Variants in BMS1 observed in about 807,000 individuals in gnomAD.
The protein encoded by BMS1 is BMS1 ribosome biogenesis factor.
A neutral mutation model predicts 138.7 loss-of-function variants in BMS1; 53 were observed. The ratio of observed to expected loss-of-function variants is 0.38; its 90% CI spans 0.31 to 0.48. The LOEUF (loss-of-function observed/expected upper bound fraction) is 0.48, where lower values mean the gene tolerates loss of function less well. Among genes scored for constraint, BMS1 ranks in the 20% least tolerant of loss-of-function variants. The pLI is 0.97. For synonymous variants in BMS1, 504 were observed against 539.9 expected, an observed-to-expected ratio of 0.93 and a Z score of 0.92; for missense variants, 1,360 against 1,565.5, an observed-to-expected ratio of 0.87 and a Z score of 2.22.
intron 3 of BMS1, 56 bp downstream of exon 3, chr10:42,785,728 A>G: frequency 6.4e-7 from 1 of 1,555,888 alleles, no homozygotes; most frequent in Non-Finnish European, 8.8e-7. Context: ...TCTGAGGGAC[A>G]TGCATGCGTT....
At chr10:42,806,077 A>G (rs1842003300) in intron 13 of BMS1, among the ~76,000 whole-genome samples, 1 of 152,164 alleles carries the variant, frequency 6.6e-6, no homozygotes, top group Non-Finnish European at 1.5e-5. Flanking sequence ...ACTAAACAGT[A>G]TTCATGGTTT....
At chr10:42,785,284 A>T (rs1342731384) in intron 2 of BMS1, among the ~76,000 whole-genome samples, 198 bp from the exon 3 acceptor site, 1 of 152,148 alleles carries the variant, frequency 6.6e-6, no homozygotes, top group Non-Finnish European at 1.5e-5. Context: ...AATTATTTGG[A>T]TGGGGCCAGA....
chr10:42,831,281 T>A lies in BMS1; in HGVS notation c.*185T>A, dbSNP rs1036976896. 8.3e-5 allele frequency: 52 copies of A among 628,080 alleles called. No homozygotes were observed. The highest frequency in any genetic ancestry group is 6.6e-4 in the African/African-American group (36 of 54,352). 38.9% of individuals were successfully genotyped at this position (628,080 alleles called of 1,614,324 possible). A position where few individuals can be genotyped will look rare whatever the true frequency, so the allele number is the denominator to read the frequency against. ...CTGGGACTGGGTTCATTCTCATGAC[T>A]TGGGGCTGTCGAGATTTAAAGTGAT... On this transcript the variant is annotated 3_prime_UTR_variant, in exon 23 of 23. Coordinates refer to ENST00000374518, the MANE Select transcript of BMS1 (RefSeq NM_014753.4).
intron 9 of BMS1, among the ~76,000 whole-genome samples, chr10:42,794,307 G>A (rs2132311644): frequency 6.6e-6 from 1 of 152,220 alleles, no homozygotes; most frequent in African/African-American, 2.4e-5. Flanking sequence ...CAAAACACTA[G>A]AGCAAAGTCA....
At chr10:42,811,185 G>A (rs966116977) in intron 13 of BMS1, among the ~76,000 whole-genome samples, 5 of 151,964 alleles carry the variant, frequency 3.3e-5, no homozygotes, top group Non-Finnish European at 7.4e-5. Flanking sequence ...GGGATTACAG[G>A]CATGCACCCC....
rs1205776392 is a variant in BMS1 at position 42,798,468 on chromosome 10, T to C, written c.2090T>C (p.Val697Ala). ...PNLRKLIYGT[V>A]TEDNEEEDDD... is the part of the protein sequence containing the mutation. ...TTTTCTGCCATGGTGTGCTCTTTAG[T>C]GACAGAAGATAATGAAGAAGAAGAT... The change falls in exon 12 of 23, where the codon GTG (valine) becomes GCG (alanine). Residue 697 changes from valine (V) to alanine (A), a missense_variant and splice_region_variant. This residue lies in a region of BMS1 where 697 missense variants were observed against 686.2 expected (regional missense o/e 1.02). Coordinates refer to ENST00000374518, the MANE Select transcript of BMS1 (RefSeq NM_014753.4). The C allele has an allele frequency of 5.6e-6, 9 of 1,614,228 alleles. No homozygotes were observed. Among genetic ancestry groups the C allele is most frequent in the Non-Finnish European group, 7.6e-6 (9 of 1,180,034 alleles).
rs1475106195 is a variant in BMS1 at position 42,821,676 on chromosome 10, C to G, written c.3010-386C>G. Reference sequence around the variant, plus strand: ...TAAGCGGTTCTCCTGCCTTAGCTTCCTGAGTAGCTGGGATTACAGGTGTGC... The same window carrying G: ...TAAGCGGTTCTCCTGCCTTAGCTTCGTGAGTAGCTGGGATTACAGGTGTGC... On this transcript the variant is annotated intron_variant, in intron 18 of 22. Coordinates refer to ENST00000374518, the MANE Select transcript of BMS1 (RefSeq NM_014753.4). Among the ~76,000 whole-genome samples, 4 of 149,312 alleles carry G rather than the reference C, an allele frequency of 2.7e-5. No homozygotes were observed. The East Asian group carries it at 6.0e-4, about 22-fold the overall frequency.
rs1362703631 is a variant in BMS1 at position 42,797,073 on chromosome 10, A to T, written c.1829A>T (p.Glu610Val). The change falls in exon 10 of 23, where the codon GAA becomes GTA. Residue 610 changes from glutamate to valine, a missense_variant. This residue lies in a region of BMS1 where 697 missense variants were observed against 686.2 expected (regional missense o/e 1.02). Transcript: ENST00000374518. ...GCAGAGGAAGAAGACTCAGAAAATG[A>T]AGAGGCTATTAGAAAAAAGCTTTCA... Reference protein sequence around the residue: ...LSAEEEDSENEEAIRKKLSKP... With the variant: ...LSAEEEDSENVEAIRKKLSKP... The T allele has an allele frequency of 1.9e-6, 3 of 1,614,114 alleles. No individual in the cohort carries two copies. The highest frequency in any genetic ancestry group is 1.3e-5 in the African/African-American group (1 of 74,946).
chr10:42,783,366 T>C (rs1299984633), intron 1 of BMS1, among the ~76,000 whole-genome samples: 1 of 152,160 alleles, frequency 6.6e-6, no homozygotes, highest in African/African-American at 2.4e-5. Flanking sequence ...CGTGCTCCAG[T>C]AGCACCCTGT....
chr10:42,783,191 T>C (rs1043727990), intron 1 of BMS1, among the ~76,000 whole-genome samples: 1 of 152,108 alleles, frequency 6.6e-6, no homozygotes, highest in Non-Finnish European at 1.5e-5. Flanking sequence ...AACTAAAATA[T>C]AGCAGAGAAG....
At chr10:42,827,373 A>G (rs1484467710) in intron 21 of BMS1, among the ~76,000 whole-genome samples, 2 of 152,318 alleles carry the variant, frequency 1.3e-5, no homozygotes, top group East Asian at 3.9e-4. Context: ...ACAGTGTAAC[A>G]GCAGCTCAGT....
At chr10:42,805,969 T>C (rs1203390266) in intron 13 of BMS1, among the ~76,000 whole-genome samples, 2 of 152,142 alleles carry the variant, frequency 1.3e-5, no homozygotes, top group African/African-American at 4.8e-5. Context: ...CTGGCTAGTT[T>C]TTTTATTTTT....
At position 42,814,257 on chromosome 10, in the gene BMS1, G is replaced by A. The variant is rs1263497724; in HGVS notation, c.2330-2342G>A. ...TCTTTTGTTATTGTCCCACAGGTCC[G>A]TGCAGCTCTGTTCATTTGTTTTCAG... is the stretch of plus-strand genomic sequence containing the variant. On this transcript the variant is annotated intron_variant, in intron 13 of 22. Coordinates refer to ENST00000374518, the MANE Select transcript of BMS1 (RefSeq NM_014753.4). Among the ~76,000 whole-genome samples the A allele has an allele frequency of 4.6e-5, 7 of 152,214 alleles. No individual in the cohort carries two copies. In the South Asian group the frequency reaches 8.3e-4, roughly 18 times the overall value.
intron 21 of BMS1, among the ~76,000 whole-genome samples, chr10:42,829,540 G>A (rs1384419155): frequency 2.0e-5 from 3 of 152,182 alleles, no homozygotes; most frequent in African/African-American, 7.2e-5. Flanking sequence ...TGGGCCAGTT[G>A]TGGTGGCTCA....
At chr10:42,798,313 A>C (rs754484956) in intron 11 of BMS1, among the ~76,000 whole-genome samples, 155 bp from the exon 12 acceptor site, 5 of 152,120 alleles carry the variant, frequency 3.3e-5, no homozygotes, top group African/African-American at 4.8e-5. Flanking sequence ...CTGCCCTCTC[A>C]ATGCCTAACT....
At chr10:42,785,797 C>T in intron 3 of BMS1, 125 bp downstream of exon 3, 1 of 1,064,442 alleles carries the variant, frequency 9.4e-7, no homozygotes. Flanking sequence ...TTCTCTTATA[C>T]TTAGTATTAC....
chr10:42,784,404 A>G lies in BMS1; in HGVS notation c.10A>G (p.Lys4Glu), dbSNP rs1841255828. 1 of 1,606,198 alleles carries G rather than the reference A, an allele frequency of 6.2e-7. No homozygotes were observed. The highest frequency in any genetic ancestry group is 8.5e-7 in the Non-Finnish European group (1 of 1,179,036). MEA[K>E]DQKKHRKKNS... is the part of the protein sequence containing the mutation. ...TTGGTAAATAGCCACTATGGAGGCT[A>G]AGGACCAGAAGAAACACAGAAAGAA... Residue 4 changes from lysine (K) to glutamate (E), a missense_variant, in exon 2 of 23, where the codon AAG becomes GAG. This residue lies in a region of BMS1 where 238 missense variants were observed against 311.1 expected (regional missense o/e 0.77). Coordinates refer to ENST00000374518, the MANE Select transcript of BMS1 (RefSeq NM_014753.4).
chr10:42,829,848 A>G (rs1588765026), intron 21 of BMS1, among the ~76,000 whole-genome samples: 1 of 152,104 alleles, frequency 6.6e-6, no homozygotes, highest in East Asian at 1.9e-4. Context: ...CAAAAAAAAC[A>G]TCCAGAGTGG....
intron 21 of BMS1, among the ~76,000 whole-genome samples, chr10:42,828,614 T>C (rs988947620): frequency 2.1e-5 from 3 of 141,732 alleles, no homozygotes; most frequent in Non-Finnish European, 4.6e-5. Context: ...GCCTCTTCAG[T>C]TTTTTTTTTT....
Sources: gnomAD v4.1 joint callset for allele counts (sites outside exome capture counted in the v4.1 genomes callset) on GRCh38, gnomAD v4.1.1 for gene constraint, gnomAD v4.1.1 regional missense constraint, MANE v1.5 for transcripts, NCBI Gene and HGNC (gene_info 2026-07-23, HGNC 2026-07-21) for gene names.